The following TP53BP2 variants were observed in gnomAD, a reference collection of about 807,000 sequenced individuals.
TP53BP2 encodes tumor protein p53 binding protein 2, also known as apoptosis-stimulating of p53 protein 2.
In TP53BP2, 62 loss-of-function variants were observed where a neutral mutation model predicts 126.2. The observed-to-expected ratio is 0.49, with a 90% CI of 0.40 to 0.61. The LOEUF (loss-of-function observed/expected upper bound fraction) is 0.61. Among genes scored for constraint, TP53BP2 ranks in the 20% least tolerant of loss-of-function variants. The pLI is 0.00. For synonymous variants in TP53BP2, 485 were observed against 502.9 expected, an observed-to-expected ratio of 0.96 and a Z score of 0.48; for missense variants, 1,215 against 1,402.8, an observed-to-expected ratio of 0.87 and a Z score of 2.14.
At position 223,802,128 on chromosome 1, in the gene TP53BP2, A is replaced by T. The variant is rs1662545013; in HGVS notation, c.1213T>A (p.Ser405Thr). The change falls in exon 9 of 18, where the codon TCA becomes ACA. Residue 405 changes from serine (S) to threonine (T), a missense_variant. This residue lies in a region of TP53BP2 where 814 missense variants were observed against 853.0 expected (regional missense o/e 0.95). Transcript: ENST00000343537. ...CAGGACTTTTTACCTTTAGTTTGTG[A>T]AGCAGCCCCAGATCTCATGTTGGGC... is the stretch of plus-strand genomic sequence containing the variant. Reference protein sequence around the residue: ...TLPNMRSGAASQTKGSKIHPV... With the variant: ...TLPNMRSGAATQTKGSKIHPV... 6 of 1,614,126 alleles carry T rather than the reference A, an allele frequency of 3.7e-6. No individual in the cohort carries two copies. The highest frequency in any genetic ancestry group is 5.1e-6 in the Non-Finnish European group (6 of 1,180,006).
intron 2 of TP53BP2, 167 bp downstream of exon 2, chr1:223,821,053 A>T (rs1571866281): frequency 1.3e-6 from 1 of 793,828 alleles, no homozygotes; most frequent in East Asian, 2.7e-5. Flanking sequence ...ACCGAAAAAG[A>T]CTTCATGTAT....
intron 2 of TP53BP2, among the ~76,000 whole-genome samples, chr1:223,817,978 G>C (rs970935540): frequency 6.7e-6 from 1 of 149,098 alleles, no homozygotes; most frequent in African/African-American, 2.5e-5. Flanking sequence ...GAAAAGAAAA[G>C]ATCTACAAGC....
chr1:223,831,477 A>AT (rs1558109359), intron 1 of TP53BP2, among the ~76,000 whole-genome samples: 190 of 41,838 alleles, frequency 4.5e-3, no homozygotes, highest in African/African-American at 0.011. Context: ...AAAAAAAAAA[A>AT]AAAATATATA....
intron 1 of TP53BP2, among the ~76,000 whole-genome samples, chr1:223,834,505 C>G (rs1558110735): frequency 1.3e-5 from 2 of 152,044 alleles, no homozygotes; most frequent in Non-Finnish European, 2.9e-5. Context: ...AATTATAATA[C>G]CAGTAGTTAA....
At chr1:223,822,206 G>A (rs542974476) in intron 1 of TP53BP2, among the ~76,000 whole-genome samples, 6 of 149,282 alleles carry the variant, frequency 4.0e-5, no homozygotes, top group South Asian at 2.1e-4. Context: ...GAGCCACTGC[G>A]CCCGGCCAAA....
At position 223,796,835 on chromosome 1, in the gene TP53BP2, A is replaced by G. The variant is rs1046757798; in HGVS notation, c.1949-245T>C. Among the ~76,000 whole-genome samples the G allele has an allele frequency of 6.6e-6, 1 of 152,240 alleles. No homozygotes were observed. Among genetic ancestry groups the G allele is most frequent in the Non-Finnish European group, 1.5e-5 (1 of 68,046 alleles). ...AACATGCACCATATCTCATGAAACA[A>G]TAAGAAAATGTTGCCGTTTTAAGAA... On this transcript the variant is annotated intron_variant, in intron 12 of 17. Transcript: ENST00000343537. The surrounding 1 kb of genome is among the most constrained non-coding windows in gnomAD (Gnocchi z 4.2).
intron 1 of TP53BP2, among the ~76,000 whole-genome samples, chr1:223,838,570 C>T (rs1663999141): frequency 6.6e-6 from 1 of 152,236 alleles, no homozygotes; most frequent in Non-Finnish European, 1.5e-5. Context: ...CACTGGTCAT[C>T]TCACAGCAGA....
chr1:223,788,700 G>A (rs796862701), intron 16 of TP53BP2, among the ~76,000 whole-genome samples: 7 of 152,218 alleles, frequency 4.6e-5, no homozygotes, highest in African/African-American at 1.7e-4. Context: ...TATTTGCAAG[G>A]ATACACCATC....
At position 223,845,926 on chromosome 1, in the gene TP53BP2, C is replaced by A. The variant is rs961390073; in HGVS notation, c.-246G>T. On this transcript the variant is annotated 5_prime_UTR_variant, in exon 1 of 18. Coordinates refer to ENST00000343537, the MANE Select transcript of TP53BP2 (RefSeq NM_001031685.3). Reference sequence around the variant, plus strand: ...TCTTCGACGCTCGTGACGGTCGGGGCTCCCTCCTCCGCTCCGAAACCAACT... The same window carrying A: ...TCTTCGACGCTCGTGACGGTCGGGGATCCCTCCTCCGCTCCGAAACCAACT... 4.8e-5 allele frequency: 12 copies of A among 249,896 alleles called. No individual in the cohort carries two copies. The highest frequency in any genetic ancestry group is 3.2e-4 in the South Asian group (2 of 6,282). 15.5% of individuals were successfully genotyped at this position (249,896 alleles called of 1,614,324 possible).
chr1:223,797,690 C>G (rs993026256), intron 12 of TP53BP2, among the ~76,000 whole-genome samples: 1 of 151,936 alleles, frequency 6.6e-6, no homozygotes, highest in Non-Finnish European at 1.5e-5. Flanking sequence ...GGATTACAGG[C>G]GTGAGCCACT....
chr1:223,834,946 T>G, intron 1 of TP53BP2: 1 of 873,248 alleles, frequency 1.1e-6, no homozygotes, highest in East Asian at 1.2e-4. Context: ...TACACATGTT[T>G]TGGTTCTTAA....
In TP53BP2 at chr1:223,803,406, C is replaced by G. The variant is rs985950767; in HGVS notation, c.696G>C (p.Arg232Ser). 2 of 1,613,746 alleles carry G rather than the reference C, an allele frequency of 1.2e-6. No homozygotes were observed. Among genetic ancestry groups the G allele is most frequent in the Non-Finnish European group, 1.7e-6 (2 of 1,179,892 alleles). ...CTTTTGACACAGCCAGGACGAGCTC[C>G]CTCTGTTTTTGCTGGAACAAATTAT... is the stretch of plus-strand genomic sequence containing the variant. ...QMNNLFQQKQ[R>S]ELVLAVSKVE... The change falls in exon 7 of 18, where the codon AGG becomes AGC. Residue 232 changes from arginine (R) to serine (S), a missense_variant. Physicochemically the swap from Arg to Ser is moderately radical, Grantham distance 110 (BLOSUM62 -1). Coordinates refer to ENST00000343537, the MANE Select transcript of TP53BP2 (RefSeq NM_001031685.3).
intron 13 of TP53BP2, among the ~76,000 whole-genome samples, chr1:223,794,280 T>C (rs547781484): frequency 3.3e-4 from 50 of 152,368 alleles, no homozygotes; most frequent in Non-Finnish European, 5.9e-4. Flanking sequence ...TCCACATAAT[T>C]CTTTCATTTT....
At position 223,796,100 on chromosome 1, in the gene TP53BP2, T is replaced by C; in HGVS notation, c.2439A>G (p.Ser813=). 3 of 1,614,110 alleles carry C rather than the reference T, an allele frequency of 1.9e-6. No homozygotes were observed. The highest frequency in any genetic ancestry group is 1.6e-4 in the Middle Eastern group (1 of 6,062). ...CATTCCCCACATCCTCTGGGGACAA[T>C]GATTCAGGAACCAGAGAGACCACCT... ...EKEVVSLVPE[S]LSPEDVGNAS... Residue 813 remains serine (S), a synonymous_variant, in exon 13 of 18, where the codon TCA becomes TCG. Coordinates refer to ENST00000343537, the MANE Select transcript of TP53BP2 (RefSeq NM_001031685.3). The surrounding 1 kb of genome is among the most constrained non-coding windows in gnomAD (Gnocchi z 4.2).
intron 17 of TP53BP2, among the ~76,000 whole-genome samples, chr1:223,782,899 A>C (rs1318804370): frequency 6.6e-6 from 1 of 152,140 alleles, no homozygotes; most frequent in Admixed American, 6.5e-5. Context: ...TTCATAATAA[A>C]TTTTGCTGTC....
chr1:223,845,232 G>A, intron 1 of TP53BP2: 1 of 985,060 alleles, frequency 1.0e-6, no homozygotes, highest in Non-Finnish European at 1.2e-6. Context: ...CAAAGCAAAG[G>A]TACCCGTTCC....
At chr1:223,791,379 C>T (rs1662150830) in intron 15 of TP53BP2, among the ~76,000 whole-genome samples, 1 of 151,898 alleles carries the variant, frequency 6.6e-6, no homozygotes, top group Admixed American at 6.6e-5. Flanking sequence ...GCTTGTTTTC[C>T]CCTTATTTCT....
intron 13 of TP53BP2, among the ~76,000 whole-genome samples, chr1:223,794,590 G>C (rs899058083): frequency 6.6e-6 from 1 of 152,110 alleles, no homozygotes; most frequent in Non-Finnish European, 1.5e-5. Context: ...TTTTCTCCTT[G>C]AAAATGTGGA....
intron 14 of TP53BP2, 45 bp downstream of exon 14, chr1:223,793,258 C>T: frequency 7.1e-7 from 1 of 1,406,844 alleles, no homozygotes; most frequent in Non-Finnish European, 9.5e-7. Context: ...GATGACAGAG[C>T]GAGACTCTGA....
Sources: allele counts gnomAD v4.1 joint callset (sites outside exome capture counted in the v4.1 genomes callset), GRCh38; gene constraint gnomAD v4.1.1; regional missense constraint gnomAD v4.1.1; non-coding constraint Gnocchi (gnomAD v3.1); transcripts MANE v1.5; gene names NCBI Gene and HGNC (gene_info 2026-07-23, HGNC 2026-07-21).